Variants in F10 observed in about 807,000 individuals in gnomAD.
F10 encodes coagulation factor X, also known as Stuart-Prower factor.
F10 carries 29 observed loss-of-function variants against 37.1 expected under a neutral mutation model. The observed-to-expected ratio is 0.78, with a 90% CI of 0.58 to 1.07. The LOEUF is 1.07. Among genes scored for constraint, F10 ranks in the 50% least tolerant of loss-of-function variants. The pLI, the probability that F10 is intolerant of heterozygous loss-of-function variation, is 0.00. For missense variants in F10, 539 were observed against 667.9 expected, an observed-to-expected ratio of 0.81 and a Z score of 2.13; for synonymous variants, 262 against 268.6, an observed-to-expected ratio of 0.98 and a Z score of 0.24.
intron 7 of F10, among the ~76,000 whole-genome samples, chr13:113,148,353 T>C (rs1325582354): frequency 9.1e-6 from 1 of 110,410 alleles, no homozygotes; most frequent in Non-Finnish European, 1.7e-5. Flanking sequence ...AAAATATATA[T>C]ATATATATAT....
chr13:113,148,630 C>T (rs541145237), intron 7 of F10, among the ~76,000 whole-genome samples: 1 of 152,136 alleles, frequency 6.6e-6, no homozygotes, highest in Admixed American at 6.5e-5. Flanking sequence ...TGGGACGCCT[C>T]GTTGGTGCCC....
chr13:113,128,886 GA>G (rs778396585), intron 1 of F10: 1,319 of 44,824 alleles, frequency 0.029, 16 homozygotes, highest in African/African-American at 0.079. Context: ...ATCTTAAAGA[GA>G]AAAAAAAAAA....
rs79065043 is a variant in F10, at chr13:113,137,564, C to T, written c.232-893C>T. Among the ~76,000 whole-genome samples the T allele has an allele frequency of 1.2e-3, 182 of 152,274 alleles. 4 individuals are homozygous for T. The East Asian group carries it at 0.029, about 25-fold the overall frequency. On this transcript the variant is annotated intron_variant, in intron 2 of 7. Transcript: ENST00000375559. ...GGCAACCATAACAAAGCACTACAAA[C>T]GCCTTAAAATAACAGGGATTTATTG... is the stretch of plus-strand genomic sequence containing the variant.
rs1595096600 is a variant in F10, at chr13:113,144,699, A to G, written c.747+604A>G. On this transcript the variant is annotated intron_variant, in intron 6 of 7. Coordinates refer to ENST00000375559, the MANE Select transcript of F10 (RefSeq NM_000504.4). This position sits in a 1 kb window ranked among gnomAD's most constrained non-coding sequence, Gnocchi z 6.4. ...ACATCTACTTATTTTCAAAGGTAAA[A>G]AAGAAAATCACTCTTTGAGGCTTTT... Among the ~76,000 whole-genome samples the G allele has an allele frequency of 5.3e-5, 8 of 152,368 alleles. 1 individual carries two copies. Among genetic ancestry groups the G allele is most frequent in the Admixed American group, 5.2e-4 (8 of 15,308 alleles).
rs58434448 is a variant in F10, at chr13:113,143,579, G to A, written c.503-272G>A. 0.012 allele frequency among the ~76,000 whole-genome samples: 1,888 copies of A among 152,192 alleles called. 23 individuals are homozygous for A. Among genetic ancestry groups the A allele is most frequent in the African/African-American group, 0.044 (1,807 of 41,512 alleles). ...GTGCATTTTCAGGCAAACCGCAGAC[G>A]CCAACACTCCCCTCGCTGCCTGGGT... On this transcript the variant is annotated intron_variant, in intron 5 of 7. Coordinates refer to ENST00000375559, the MANE Select transcript of F10 (RefSeq NM_000504.4). This position sits in a 1 kb window ranked among gnomAD's most constrained non-coding sequence, Gnocchi z 6.8.
rs775241064 is a variant in F10 at position 113,149,276 on chromosome 13, C to T, written c.1226C>T (p.Thr409Ile). 1 of 1,613,090 alleles carries T rather than the reference C, an allele frequency of 6.2e-7. No homozygotes were observed. The highest frequency in any genetic ancestry group is 1.3e-5 in the African/African-American group (1 of 74,942). Residue 409 changes from threonine (T) to isoleucine (I), a missense_variant, in exon 8 of 8, where the codon ACC (threonine) becomes ATC (isoleucine). By Grantham distance (89) the Thr-to-Ile change is moderately conservative (BLOSUM62 -1). Coordinates refer to ENST00000375559, the MANE Select transcript of F10 (RefSeq NM_000504.4). This position sits in a 1 kb window ranked among gnomAD's most constrained non-coding sequence, Gnocchi z 7.5. ...AACATGTTCTGTGCCGGCTACGACA[C>T]CAAGCAGGAGGATGCCTGCCAGGGG... ...TQNMFCAGYD[T>I]KQEDACQGDS... is the part of the protein sequence containing the mutation.
At chr13:113,127,013 T>TAAG (rs2142248966) in intron 1 of F10, among the ~76,000 whole-genome samples, 1 of 152,218 alleles carries the variant, frequency 6.6e-6, no homozygotes, top group South Asian at 2.1e-4. Flanking sequence ...ATAATAAATC[T>TAAG]AAGTCTAGCG....
In F10 at chr13:113,139,339, G is replaced by T. The variant is rs755244908; in HGVS notation, c.257-18G>T. 6.2e-7 allele frequency: 1 copy of T among 1,610,588 alleles called. No homozygotes were observed. Among genetic ancestry groups the T allele is most frequent in the Non-Finnish European group, 8.5e-7 (1 of 1,177,016 alleles). ...GAAACAGCTTGCAGACTCCAGTTTCGAAATCCTCTCTTTGCAGATGGCGAC... is the reference window on the plus strand; with the variant it reads ...GAAACAGCTTGCAGACTCCAGTTTCTAAATCCTCTCTTTGCAGATGGCGAC... On this transcript the variant is annotated intron_variant, in intron 3 of 7. Coordinates refer to ENST00000375559, the MANE Select transcript of F10 (RefSeq NM_000504.4). The surrounding 1 kb of genome is among the most constrained non-coding windows in gnomAD (Gnocchi z 5.2).
At chr13:113,148,862 G>A in intron 7 of F10, 54 bp from the exon 8 acceptor site, 1 of 1,586,886 alleles carries the variant, frequency 6.3e-7, no homozygotes, top group East Asian at 2.3e-5. Context: ...AGCAACGGAT[G>A]TGCGAGAGCA....
Position 113,129,574 on chromosome 13 carries a change from G to T in F10, c.193G>T (p.Glu65Ter). Residue 65 changes from glutamate (E) to a stop codon, truncating the protein, a stop_gained, in exon 2 of 8, where the codon GAA (glutamate) becomes TAA (stop). Coordinates refer to ENST00000375559, the MANE Select transcript of F10 (RefSeq NM_000504.4). LOFTEE classifies it high-confidence loss of function. ...GTGCATGGAAGAGACCTGCTCATAC[G>T]AAGAGGCCCGCGAGGTCTTTGAGGA... ...RECMEETCSY[E>*]EAREVFEDSD... 6.2e-7 allele frequency: 1 copy of T among 1,614,246 alleles called. No homozygotes were observed. Among genetic ancestry groups the T allele is most frequent in the South Asian group, 1.1e-5 (1 of 91,080 alleles).
chr13:113,140,951 G>A lies in F10; in HGVS notation c.403G>A (p.Asp135Asn). The A allele has an allele frequency of 6.2e-7, 1 of 1,614,128 alleles. No individual in the cohort carries two copies. The highest frequency in any genetic ancestry group is 2.2e-5 in the East Asian group (1 of 44,880). ...GAAGCTCTGCAGCCTGGACAACGGG[G>A]ACTGTGACCAGTTCTGCCACGAGGA... ...TRKLCSLDNG[D>N]CDQFCHEEQN... The change falls in exon 5 of 8, where the codon GAC (aspartate) becomes AAC (asparagine). Residue 135 changes from aspartate to asparagine, a missense_variant. Transcript: ENST00000375559.
chr13:113,136,448 CT>C (rs148780771), intron 2 of F10, among the ~76,000 whole-genome samples: 15,403 of 144,340 alleles, frequency 0.11, 887 homozygotes, highest in South Asian at 0.2. Flanking sequence ...CAACTCTAGT[CT>C]TTTTTTTTTT....
At chr13:113,134,968 C>T (rs3211756) in intron 2 of F10, among the ~76,000 whole-genome samples, 9,699 of 152,112 alleles carry the variant, frequency 0.064, 366 homozygotes, top group African/African-American at 0.11. Flanking sequence ...CGGCCGGGCG[C>T]GGTGGCTCAT....
rs1210141004 is a variant in F10, at chr13:113,149,315, C to T, written c.1265C>T (p.Pro422Leu). ...EDACQGDSGG[P>L]HVTRFKDTYF... ...GCCTGCCAGGGGGACAGCGGGGGCC[C>T]GCACGTCACCCGCTTCAAGGACACC... is the stretch of plus-strand genomic sequence containing the variant. Residue 422 changes from proline (P) to leucine (L), a missense_variant, in exon 8 of 8, where the codon CCG (proline) becomes CTG (leucine). This residue lies in a region of F10 where 409 missense variants were observed against 547.9 expected (regional missense o/e 0.75). Coordinates refer to ENST00000375559, the MANE Select transcript of F10 (RefSeq NM_000504.4). This position sits in a 1 kb window ranked among gnomAD's most constrained non-coding sequence, Gnocchi z 7.5. 5 of 1,613,212 alleles carry T rather than the reference C, an allele frequency of 3.1e-6. No homozygotes were observed. Among genetic ancestry groups the T allele is most frequent in the Non-Finnish European group, 4.2e-6 (5 of 1,180,020 alleles).
chr13:113,148,343 A>ATATATATATATATATATATAT (rs1168456413), intron 7 of F10, among the ~76,000 whole-genome samples: 1 of 99,194 alleles, frequency 1.0e-5, no homozygotes, highest in African/African-American at 4.2e-5. Context: ...AAAAAAAAAA[A>ATATATATATATATATATATAT]AAATATATAT....
chr13:113,138,251 A>G lies in F10; in HGVS notation c.232-206A>G, dbSNP rs117379976. 1.3e-3 allele frequency among the ~76,000 whole-genome samples: 201 copies of G among 152,356 alleles called. 4 individuals carry two copies. In the East Asian group the frequency reaches 0.031, roughly 23 times the overall value. On this transcript the variant is annotated intron_variant, in intron 2 of 7. Transcript: ENST00000375559. ...ATTCAACAAAGATGGTTCATTTAAG[A>G]TGACTGAAGCCACATCTTCACAGAT...
intron 4 of F10, among the ~76,000 whole-genome samples, chr13:113,140,073 C>CTTTTT (rs11398393): frequency 1.2e-4 from 15 of 125,400 alleles, no homozygotes; most frequent in Non-Finnish European, 1.5e-4. Context: ...AATTGATCAT[C>CTTTTT]TTTTTTTTTT....
chr13:113,129,368 G>A, intron 1 of F10, 84 bp from the exon 2 acceptor site: 15 of 1,459,082 alleles, frequency 1.0e-5, no homozygotes, highest in Non-Finnish European at 1.4e-5. Context: ...TATGGCAAGG[G>A]ACATGGCAGT....
At chr13:113,132,209 C>T (rs1034985475) in intron 2 of F10, among the ~76,000 whole-genome samples, 6 of 152,162 alleles carry the variant, frequency 3.9e-5, no homozygotes, top group Non-Finnish European at 7.4e-5. Flanking sequence ...TTAGAATTTT[C>T]GGAAATATTT....
Sources: gnomAD v4.1 joint callset for allele counts (sites outside exome capture counted in the v4.1 genomes callset) on GRCh38, gnomAD v4.1.1 for gene constraint, gnomAD v4.1.1 regional missense constraint, Gnocchi (gnomAD v3.1) non-coding constraint, MANE v1.5 for transcripts, NCBI Gene and HGNC (gene_info 2026-07-23, HGNC 2026-07-21) for gene names.